YWHAE: variants seen among roughly 807,000 people sequenced by gnomAD.
YWHAE encodes 14-3-3 protein epsilon.
Under a neutral mutation model 30.1 loss-of-function variants are expected in YWHAE, and 4 were observed. The observed-to-expected ratio is 0.13, with a 90% CI of 0.07 to 0.30. The LOEUF (loss-of-function observed/expected upper bound fraction) is 0.30, where lower values mean the gene tolerates loss of function less well. YWHAE is among the 10% of genes least tolerant of loss of function. YWHAE has a pLI of 1.00. For missense variants in YWHAE, 121 were observed against 315.9 expected, an observed-to-expected ratio of 0.38 and a Z score of 4.68; for synonymous variants, 118 against 111.8, an observed-to-expected ratio of 1.06 and a Z score of -0.35.
At chr17:1,380,075 C>CACTTACA (rs1185981113) in intron 1 of YWHAE, among the ~76,000 whole-genome samples, 1 of 151,810 alleles carries the variant, frequency 6.6e-6, no homozygotes. Context: ...GCAAACACCA[C>CACTTACA]ACTTACAGCA....
intron 4 of YWHAE, among the ~76,000 whole-genome samples, chr17:1,358,405 G>A (rs58092550): frequency 4.6e-5 from 7 of 152,016 alleles, no homozygotes; most frequent in East Asian, 3.9e-4. Flanking sequence ...ACGCCCGGCT[G>A]ATTTTTTGTA....
intron 2 of YWHAE, among the ~76,000 whole-genome samples, chr17:1,364,258 G>A (rs895023929): frequency 3.4e-5 from 5 of 149,224 alleles, no homozygotes; most frequent in Non-Finnish European, 7.4e-5. Context: ...GGAGTCTCGC[G>A]CTCTGTCACC....
chr17:1,359,247 G>A (rs2072813736), intron 4 of YWHAE, among the ~76,000 whole-genome samples: 1 of 152,186 alleles, frequency 6.6e-6, no homozygotes, highest in Non-Finnish European at 1.5e-5. Context: ...CTGAGCCCAG[G>A]AAGCCAAGGC....
At chr17:1,375,983 A>G (rs796780685) in intron 1 of YWHAE, among the ~76,000 whole-genome samples, 30 of 152,340 alleles carry the variant, frequency 2.0e-4, no homozygotes, top group African/African-American at 7.2e-4. Context: ...CGCTGTATTA[A>G]TGTGCTTAAT....
At chr17:1,372,712 G>C (rs561930297) in intron 1 of YWHAE, among the ~76,000 whole-genome samples, 1 of 152,302 alleles carries the variant, frequency 6.6e-6, no homozygotes, top group East Asian at 1.9e-4. Context: ...CAATACTTTG[G>C]GAGGCCGAAG....
intron 1 of YWHAE, among the ~76,000 whole-genome samples, chr17:1,388,752 T>TGTTTC (rs954259330): frequency 1.3e-5 from 2 of 152,140 alleles, no homozygotes; most frequent in African/African-American, 4.8e-5. Context: ...AATATTTTAA[T>TGTTTC]GTTTCCTAAG....
intron 4 of YWHAE, 48 bp downstream of exon 4, chr17:1,361,044 C>A: frequency 1.3e-6 from 2 of 1,545,740 alleles, no homozygotes; most frequent in Non-Finnish European, 1.8e-6. Context: ...CAAACAGCGC[C>A]CCCCTTAACT....
intron 5 of YWHAE, among the ~76,000 whole-genome samples, chr17:1,348,753 G>A (rs2072566981): frequency 6.6e-6 from 1 of 152,230 alleles, no homozygotes; most frequent in African/African-American, 2.4e-5. Flanking sequence ...GCCGGGAACA[G>A]TGGCTCACGC....
chr17:1,399,963 G>A, intron 1 of YWHAE, 84 bp downstream of exon 1: 1 of 1,547,388 alleles, frequency 6.5e-7, no homozygotes, highest in Non-Finnish European at 8.9e-7. Context: ...AGACGATGCC[G>A]CCATTTTGTC....
Position 1,352,839 on chromosome 17 carries a change from T to A in YWHAE, c.715+1372A>T, listed in dbSNP as rs568550887. On this transcript the variant is annotated intron_variant, in intron 5 of 5. Transcript: ENST00000264335. ...CGCGCCCGGCACAGCCTTAGAAACA[T>A]TCTTAAAGGAACCGCAGCTAAAACT... 3.9e-5 allele frequency among the ~76,000 whole-genome samples: 6 copies of A among 152,166 alleles called. No individual in the cohort carries two copies. In the South Asian group the frequency reaches 1.0e-3, roughly 26 times the overall value.
At chr17:1,390,513 G>C (rs2073373775) in intron 1 of YWHAE, among the ~76,000 whole-genome samples, 1 of 152,078 alleles carries the variant, frequency 6.6e-6, no homozygotes, top group South Asian at 2.1e-4. Flanking sequence ...ACAACAAATA[G>C]TACCGACAAG....
At chr17:1,362,261 C>T (rs1461705144) in intron 2 of YWHAE, among the ~76,000 whole-genome samples, 1 of 152,098 alleles carries the variant, frequency 6.6e-6, no homozygotes, top group Non-Finnish European at 1.5e-5. Flanking sequence ...CGCCAGCCCC[C>T]ACACCCCCTT....
chr17:1,376,913 G>A (rs1206261396), intron 1 of YWHAE, among the ~76,000 whole-genome samples: 1 of 150,118 alleles, frequency 6.7e-6, no homozygotes, highest in Non-Finnish European at 1.5e-5. Flanking sequence ...AAAGCACACA[G>A]GGTCATAACC....
intron 5 of YWHAE, among the ~76,000 whole-genome samples, chr17:1,346,720 C>G (rs926711844): frequency 6.6e-6 from 1 of 152,226 alleles, no homozygotes; most frequent in African/African-American, 2.4e-5. Context: ...GGCACGGTGG[C>G]TCACGCCTGT....
intron 2 of YWHAE, among the ~76,000 whole-genome samples, chr17:1,362,712 T>C (rs2072882786): frequency 6.6e-6 from 1 of 152,030 alleles, no homozygotes; most frequent in Non-Finnish European, 1.5e-5. Flanking sequence ...TGCTGAACCT[T>C]TCATGAGGGT....
chr17:1,350,076 C>T (rs1438138694), intron 5 of YWHAE, among the ~76,000 whole-genome samples: 1 of 151,688 alleles, frequency 6.6e-6, no homozygotes, highest in Non-Finnish European at 1.5e-5. Context: ...CCTCAGCCTC[C>T]CCAGTAGCTA....
rs1171556267 is a variant in YWHAE, at chr17:1,361,077, T to C, written c.578+15A>G. On this transcript the variant is annotated intron_variant, in intron 4 of 5. Coordinates refer to ENST00000264335, the MANE Select transcript of YWHAE (RefSeq NM_006761.5). Reference sequence around the variant, plus strand: ...ACTTTCACGCTGAGCGCTGCTGTTCTTCCCCACAACTTACCTGCAGGCACG... The same window carrying C: ...ACTTTCACGCTGAGCGCTGCTGTTCCTCCCCACAACTTACCTGCAGGCACG... 4.3e-6 allele frequency: 7 copies of C among 1,612,662 alleles called. No homozygotes were observed. The highest frequency in any genetic ancestry group is 5.9e-6 in the Non-Finnish European group (7 of 1,178,694).
intron 1 of YWHAE, among the ~76,000 whole-genome samples, chr17:1,368,100 A>C (rs2072973458): frequency 6.6e-6 from 1 of 151,800 alleles, no homozygotes; most frequent in Non-Finnish European, 1.5e-5. Context: ...AAAATATAAA[A>C]ATTAGGCCAG....
At chr17:1,397,091 G>A (rs1481764786) in intron 1 of YWHAE, among the ~76,000 whole-genome samples, 2 of 151,320 alleles carry the variant, frequency 1.3e-5, no homozygotes, top group Non-Finnish European at 2.9e-5. Context: ...TAGAGACAGG[G>A]TTTCACCATG....
Sources: gnomAD v4.1 joint callset for allele counts (sites outside exome capture counted in the v4.1 genomes callset) on GRCh38, gnomAD v4.1.1 for gene constraint, MANE v1.5 for transcripts, NCBI Gene and HGNC (gene_info 2026-07-23, HGNC 2026-07-21) for gene names.